Variants in FHIT observed in about 807,000 individuals in gnomAD.
The protein encoded by FHIT is bis(5'-adenosyl)-triphosphatase.
In FHIT, 19 loss-of-function variants were observed where a neutral mutation model predicts 17.9. That is an observed-to-expected ratio of 1.06 (90% CI 0.74 to 1.56). The LOEUF (loss-of-function observed/expected upper bound fraction) is 1.56, where lower values mean the gene tolerates loss of function less well. FHIT is among the 40% of genes most tolerant of loss of function. The probability of loss-of-function intolerance (pLI) is 0.00; values close to 1 mark genes in which losing one functional copy is unlikely to be tolerated. For missense variants in FHIT, 248 were observed against 189.2 expected, an observed-to-expected ratio of 1.31 and a Z score of -1.82; for synonymous variants, 81 against 69.7, an observed-to-expected ratio of 1.16 and a Z score of -0.81.
intron 7 of FHIT, among the ~76,000 whole-genome samples, chr3:59,993,782 C>G (rs1321894440): frequency 2.0e-5 from 3 of 151,984 alleles, no homozygotes; most frequent in African/African-American, 7.2e-5. Context: ...CTGCCTCTGA[C>G]TGGATTCTAG....
intron 8 of FHIT, among the ~76,000 whole-genome samples, chr3:59,758,735 TTTAAG>T (rs1346666430): frequency 6.6e-6 from 1 of 152,170 alleles, no homozygotes; most frequent in Non-Finnish European, 1.5e-5. Flanking sequence ...TTAAAGTAAA[TTTAAG>T]TTAAACATAA....
intron 3 of FHIT, among the ~76,000 whole-genome samples, chr3:61,013,620 A>G (rs1166334040): frequency 6.6e-6 from 1 of 152,208 alleles, no homozygotes; most frequent in Non-Finnish European, 1.5e-5. Flanking sequence ...AGGAAAATAG[A>G]AAAGAAGGGA....
At chr3:60,055,321 T>G (rs951251252) in intron 5 of FHIT, among the ~76,000 whole-genome samples, 58 of 151,724 alleles carry the variant, frequency 3.8e-4, no homozygotes, top group African/African-American at 1.4e-3. Flanking sequence ...ACCACACACA[T>G]AAAAATGCCT....
At chr3:60,800,953 C>T (rs1553732021) in intron 4 of FHIT, among the ~76,000 whole-genome samples, 1 of 152,118 alleles carries the variant, frequency 6.6e-6, no homozygotes, top group East Asian at 1.9e-4. Context: ...TAGTATCCAA[C>T]ACTCTAAGCA....
chr3:60,464,907 T>C (rs1449176385), intron 5 of FHIT, among the ~76,000 whole-genome samples: 1 of 152,076 alleles, frequency 6.6e-6, no homozygotes, highest in Admixed American at 6.6e-5. Context: ...ATATGGTAGC[T>C]CTTTAGTCTT....
chr3:59,946,538 A>G (rs1349919209), intron 7 of FHIT, among the ~76,000 whole-genome samples: 1 of 152,200 alleles, frequency 6.6e-6, no homozygotes, highest in African/African-American at 2.4e-5. Context: ...TGCTCTGGCT[A>G]GGACTTCCAG....
At chr3:60,569,746 TATATATATA>T (rs1255334705) in intron 4 of FHIT, among the ~76,000 whole-genome samples, 3 of 81,648 alleles carry the variant, frequency 3.7e-5, no homozygotes, top group African/African-American at 1.5e-4. Flanking sequence ...TATATATATA[TATATATATA>T]TTTTTTTTTT....
chr3:60,651,685 G>C (rs1346252666), intron 4 of FHIT, among the ~76,000 whole-genome samples: 1 of 152,024 alleles, frequency 6.6e-6, no homozygotes, highest in Non-Finnish European at 1.5e-5. Flanking sequence ...TTTTTTCCAA[G>C]TATATTTTGT....
intron 5 of FHIT, among the ~76,000 whole-genome samples, chr3:60,190,558 G>A (rs1702355147): frequency 6.6e-6 from 1 of 151,924 alleles, no homozygotes; most frequent in African/African-American, 2.4e-5. Flanking sequence ...AGACCAGCCT[G>A]GCCAACATGG....
chr3:61,116,051 G>T (rs1237768970), intron 2 of FHIT, among the ~76,000 whole-genome samples: 1 of 152,050 alleles, frequency 6.6e-6, no homozygotes, highest in East Asian at 1.9e-4. Context: ...GGACGGCTGA[G>T]GAAAATCCTG....
At chr3:59,839,058 C>T (rs183562983) in intron 8 of FHIT, among the ~76,000 whole-genome samples, 5 of 152,064 alleles carry the variant, frequency 3.3e-5, no homozygotes, top group East Asian at 3.9e-4. Context: ...AGCTCATGTC[C>T]CCAATCCCAG....
chr3:60,360,820 C>T (rs1307412608), intron 5 of FHIT, among the ~76,000 whole-genome samples: 1 of 152,160 alleles, frequency 6.6e-6, no homozygotes, highest in African/African-American at 2.4e-5. Context: ...GAATGTCTGA[C>T]TGATAGCTGC....
At chr3:60,791,498 A>G (rs1700775249) in intron 4 of FHIT, among the ~76,000 whole-genome samples, 1 of 152,214 alleles carries the variant, frequency 6.6e-6, no homozygotes, top group Non-Finnish European at 1.5e-5. Flanking sequence ...ACTCCAACTA[A>G]GAAGTATTTA....
intron 4 of FHIT, among the ~76,000 whole-genome samples, chr3:60,714,082 A>G (rs1553705949): frequency 6.6e-6 from 1 of 152,216 alleles, no homozygotes; most frequent in Non-Finnish European, 1.5e-5. Context: ...AAGCTTATCC[A>G]CCATGAGCAG....
At chr3:60,022,984 T>G (rs1488578164) in intron 5 of FHIT, among the ~76,000 whole-genome samples, 1 of 152,150 alleles carries the variant, frequency 6.6e-6, no homozygotes, top group African/African-American at 2.4e-5. Flanking sequence ...AGGAGAGTAC[T>G]GAAAAGGAAA....
At chr3:60,864,385 G>A (rs1553753391) in intron 3 of FHIT, among the ~76,000 whole-genome samples, 4 of 152,138 alleles carry the variant, frequency 2.6e-5, no homozygotes, top group African/African-American at 7.2e-5. Context: ...TTTTAACACA[G>A]GAGGTCCAAC....
At chr3:61,025,080 T>TA (rs2032663810) in intron 3 of FHIT, among the ~76,000 whole-genome samples, 1 of 152,212 alleles carries the variant, frequency 6.6e-6, no homozygotes, top group South Asian at 2.1e-4. Context: ...ATAGCTTGCC[T>TA]ACCTTAAACA....
At chr3:60,559,550 T>A (rs1288728301) in intron 4 of FHIT, among the ~76,000 whole-genome samples, 2 of 152,212 alleles carry the variant, frequency 1.3e-5, no homozygotes, top group Non-Finnish European at 2.9e-5. Flanking sequence ...CTCAAATTGC[T>A]GGTGTGCTCT....
chr3:60,318,671 G>A (rs1287571336), intron 5 of FHIT, among the ~76,000 whole-genome samples: 1 of 152,154 alleles, frequency 6.6e-6, no homozygotes, highest in Non-Finnish European at 1.5e-5. Context: ...AGTCCAGTTT[G>A]ACTTCAATAC....
Sources: allele counts gnomAD v4.1 joint callset (sites outside exome capture counted in the v4.1 genomes callset), GRCh38; gene constraint gnomAD v4.1.1; transcripts MANE v1.5; gene names NCBI Gene and HGNC (gene_info 2026-07-23, HGNC 2026-07-21).